Variants in FBXL13 observed in about 807,000 individuals in gnomAD.
FBXL13 encodes F-box and leucine-rich repeat protein 13.
In FBXL13, 67 loss-of-function variants were observed where a neutral mutation model predicts 83.6. That is an observed-to-expected ratio of 0.80 (90% CI 0.66 to 0.98). The LOEUF (loss-of-function observed/expected upper bound fraction) is 0.98. FBXL13 is among the 50% of genes least tolerant of loss of function. FBXL13 has a pLI of 0.00. For missense variants in FBXL13, 822 were observed against 866.5 expected, an observed-to-expected ratio of 0.95 and a Z score of 0.64; for synonymous variants, 272 against 299.5, an observed-to-expected ratio of 0.91 and a Z score of 0.95.
At chr7:102,915,382 C>T (rs1815636970) in intron 10 of FBXL13, among the ~76,000 whole-genome samples, 1 of 152,062 alleles carries the variant, frequency 6.6e-6, no homozygotes, top group Non-Finnish European at 1.5e-5. Flanking sequence ...AACACATTAA[C>T]TATTTTTATG....
intron 11 of FBXL13, among the ~76,000 whole-genome samples, chr7:102,886,348 A>G (rs189593906): frequency 2.6e-5 from 4 of 152,194 alleles, no homozygotes; most frequent in Admixed American, 2.6e-4. Context: ...CTCTAGGGAG[A>G]CCTTTGGAGA....
At chr7:102,866,247 C>T (rs1432423981) in intron 16 of FBXL13, among the ~76,000 whole-genome samples, 1 of 152,128 alleles carries the variant, frequency 6.6e-6, no homozygotes, top group Non-Finnish European at 1.5e-5. Context: ...AAAGATCCAT[C>T]TTGAGGGAAG....
chr7:103,052,602 G>T (rs924711139), intron 2 of FBXL13, among the ~76,000 whole-genome samples: 38 of 152,152 alleles, frequency 2.5e-4, no homozygotes, highest in African/African-American at 9.2e-4. Context: ...CTTTTGCAAA[G>T]TCATATCTCA....
At chr7:102,830,239 T>C (rs944921829) in intron 18 of FBXL13, among the ~76,000 whole-genome samples, 3 of 152,216 alleles carry the variant, frequency 2.0e-5, no homozygotes, top group Admixed American at 1.3e-4. Context: ...CAAAATCCTC[T>C]GCCCTATTTT....
intron 1 of FBXL13, among the ~76,000 whole-genome samples, chr7:103,064,657 C>A (rs1041237540): frequency 3.3e-5 from 5 of 152,206 alleles, no homozygotes; most frequent in African/African-American, 1.2e-4. Context: ...CCTCCATGTT[C>A]TTTTTGCAAT....
At chr7:103,019,459 G>T (rs1045784190) in intron 6 of FBXL13, among the ~76,000 whole-genome samples, 6 of 152,094 alleles carry the variant, frequency 3.9e-5, no homozygotes, top group African/African-American at 1.4e-4. Context: ...CAGAAGGCAA[G>T]AAATAACTAA....
chr7:102,863,320 A>G (rs895472635), intron 16 of FBXL13, among the ~76,000 whole-genome samples: 1 of 152,194 alleles, frequency 6.6e-6, no homozygotes, highest in African/African-American at 2.4e-5. Flanking sequence ...ATATTGGAAA[A>G]TGCACTCTAT....
chr7:102,817,099 T>C (rs887629911), intron 19 of FBXL13, among the ~76,000 whole-genome samples: 10 of 152,226 alleles, frequency 6.6e-5, no homozygotes, highest in Non-Finnish European at 1.5e-4. Context: ...GATAGAATTA[T>C]TTCTTTTCCT....
intron 6 of FBXL13, among the ~76,000 whole-genome samples, chr7:102,970,311 T>C (rs974727380): frequency 1.2e-4 from 18 of 152,158 alleles, no homozygotes; most frequent in African/African-American, 4.1e-4. Flanking sequence ...CATTTTTGGT[T>C]TGGGTTAAAC....
intron 8 of FBXL13, among the ~76,000 whole-genome samples, chr7:102,940,411 C>T (rs1334607164): frequency 6.6e-6 from 1 of 150,674 alleles, no homozygotes; most frequent in Non-Finnish European, 1.5e-5. Flanking sequence ...AGGGTTTCAC[C>T]GTGTTAGCCA....
intron 2 of FBXL13, among the ~76,000 whole-genome samples, chr7:103,030,368 A>G (rs1285003192): frequency 6.6e-6 from 1 of 152,232 alleles, no homozygotes; most frequent in Non-Finnish European, 1.5e-5. Context: ...TTATGCCTAC[A>G]GTGAGGGACA....
intron 6 of FBXL13, among the ~76,000 whole-genome samples, chr7:103,001,576 C>G (rs1790408441): frequency 6.6e-6 from 1 of 152,108 alleles, no homozygotes; most frequent in African/African-American, 2.4e-5. Context: ...GAAGACTCAC[C>G]CTCAATGTGG....
intron 18 of FBXL13, among the ~76,000 whole-genome samples, chr7:102,823,055 C>G (rs1799032966): frequency 6.6e-6 from 1 of 152,090 alleles, no homozygotes; most frequent in Admixed American, 6.5e-5. Context: ...AGTGACAGAG[C>G]AAGACCCTGT....
At chr7:103,013,101 T>A (rs897382571) in intron 6 of FBXL13, among the ~76,000 whole-genome samples, 1 of 152,220 alleles carries the variant, frequency 6.6e-6, no homozygotes, top group Non-Finnish European at 1.5e-5. Flanking sequence ...CTATCTATCA[T>A]AAATATCTAT....
At chr7:103,058,219 C>A (rs1351983525) in intron 1 of FBXL13, among the ~76,000 whole-genome samples, 1 of 152,174 alleles carries the variant, frequency 6.6e-6, no homozygotes, top group Non-Finnish European at 1.5e-5. Flanking sequence ...TAGAGAATGG[C>A]AGAAAGGTAA....
exon 2 of FBXL13, chr7:103,055,680 A>G (rs1451741024): frequency 7.8e-7 from 1 of 1,285,576 alleles, no homozygotes; most frequent in East Asian, 5.6e-5. Flanking sequence ...GATTATAACC[A>G]TGATCATTCC....
At chr7:102,926,411 A>G (rs772405569) in intron 9 of FBXL13, 37 bp from the exon 11 acceptor site, 1 of 1,528,204 alleles carries the variant, frequency 6.5e-7, no homozygotes, top group Non-Finnish European at 9.0e-7. Flanking sequence ...TTATCAAATT[A>G]TAGCAGGCTT....
In FBXL13 at chr7:103,047,825, G is replaced by A. The variant is rs192594135; in HGVS notation, c.-1+7819C>T. The stretch of plus-strand genomic sequence containing the variant: ...TTCTTCCACCTCAGCCTCCCAAGTA[G>A]CTGGGCTTACAGGCACCCGCCACCA... On this transcript the variant is annotated intron_variant, in intron 2 of 19. Transcript: ENST00000313221. Among the ~76,000 whole-genome samples, 3 of 152,246 alleles carry A rather than the reference G, an allele frequency of 2.0e-5. No individual in the cohort carries two copies. The East Asian group carries it at 5.8e-4, about 29-fold the overall frequency.
chr7:103,000,534 A>C (rs889380109), intron 6 of FBXL13, among the ~76,000 whole-genome samples: 1 of 152,202 alleles, frequency 6.6e-6, no homozygotes, highest in African/African-American at 2.4e-5. Context: ...AATGCTTTAC[A>C]TGCTAAAGAA....
Sources: gnomAD v4.1 joint callset for allele counts (sites outside exome capture counted in the v4.1 genomes callset) on GRCh38, gnomAD v4.1.1 for gene constraint, MANE v1.5 for transcripts, NCBI Gene and HGNC (gene_info 2026-07-23, HGNC 2026-07-21) for gene names.